PCDHGB4: variants seen among roughly 807,000 people sequenced by gnomAD.
The protein encoded by PCDHGB4 is protocadherin gamma subfamily B, 4, also known as protocadherin gamma-B4.
PCDHGB4 carries 38 observed loss-of-function variants against 60.5 expected under a neutral mutation model. That is an observed-to-expected ratio of 0.63 (90% confidence interval 0.48 to 0.82). The LOEUF (loss-of-function observed/expected upper bound fraction) is 0.82. Ranked by LOEUF, PCDHGB4 falls within the 40% of genes least tolerant of loss-of-function variation. The pLI, the probability that PCDHGB4 is intolerant of heterozygous loss-of-function variation, is 0.00. For missense variants in PCDHGB4, 1,109 were observed against 1,209.6 expected, an observed-to-expected ratio of 0.92 and a Z score of 1.23; for synonymous variants, 456 against 509.7, an observed-to-expected ratio of 0.89 and a Z score of 1.42.
At chr5:141,447,647 T>C (rs1338920727) in intron 1 of PCDHGB4, among the ~76,000 whole-genome samples, 1 of 152,092 alleles carries the variant, frequency 6.6e-6, no homozygotes, top group African/African-American at 2.4e-5. Flanking sequence ...GATGGTAGAA[T>C]TTTCCCCCCC....
rs767197233 is a variant in PCDHGB4, at chr5:141,418,642, C to T, written c.2397+28361C>T. On this transcript the variant is annotated intron_variant, in intron 1 of 3. Coordinates refer to ENST00000519479, the MANE Select transcript of PCDHGB4 (RefSeq NM_003736.4). ...AAGACGTGCCTCCAGGCACCTCCAT[C>T]CTGAGAGTGAAGGCCACTGACCAGG... The T allele has an allele frequency of 2.3e-5, 37 of 1,614,028 alleles. No individual in the cohort carries two copies. In the South Asian group the frequency reaches 3.6e-4, roughly 16 times the overall value.
At chr5:141,470,961 C>T (rs1447105252) in intron 1 of PCDHGB4, among the ~76,000 whole-genome samples, 1 of 152,036 alleles carries the variant, frequency 6.6e-6, no homozygotes, top group Non-Finnish European at 1.5e-5. Context: ...AAGTGATCCT[C>T]CCACCTCAGC....
chr5:141,393,500 C>T lies in PCDHGB4; in HGVS notation c.2397+3219C>T, dbSNP rs747121608. 6.2e-6 allele frequency: 10 copies of T among 1,613,922 alleles called. No homozygotes were observed. In the African/African-American group the frequency reaches 6.7e-5, roughly 11 times the overall value. On this transcript the variant is annotated intron_variant, in intron 1 of 3. Coordinates refer to ENST00000519479, the MANE Select transcript of PCDHGB4 (RefSeq NM_003736.4). The stretch of plus-strand genomic sequence containing the variant: ...CTCGCTCTAGCACAGTGCGCATCCA[C>T]GTGACAGTGTTGGATACAAATGACA...
intron 1 of PCDHGB4, chr5:141,398,897 C>T (rs761364649): frequency 1.2e-6 from 2 of 1,613,932 alleles, no homozygotes; most frequent in Non-Finnish European, 1.7e-6. Context: ...AACGTGCCAC[C>T]AGGCACCACT....
At chr5:141,449,667 G>A (rs540415333) in intron 1 of PCDHGB4, among the ~76,000 whole-genome samples, 1 of 150,824 alleles carries the variant, frequency 6.6e-6, no homozygotes, top group South Asian at 2.1e-4. Context: ...ACACCCAAGT[G>A]TGTATGTATA....
intron 1 of PCDHGB4, among the ~76,000 whole-genome samples, chr5:141,406,621 A>G (rs2094831746): frequency 6.6e-6 from 1 of 152,172 alleles, no homozygotes; most frequent in African/African-American, 2.4e-5. Flanking sequence ...TTTTATTCTC[A>G]TATCTTCAAA....
At position 141,388,496 on chromosome 5, in the gene PCDHGB4, G is replaced by A. The variant is rs1296141749; in HGVS notation, c.612G>A (p.Lys204=). The change falls in exon 1 of 4, where the codon AAG becomes AAA. Residue 204 remains lysine, a synonymous_variant. Transcript: ENST00000519479. Reference sequence around the variant, plus strand: ...TGAAGACACCTTTGGACAGAGAAAAGCAGAAATCCTACCACTTGACTTTGA... The same window carrying A: ...TGAAGACACCTTTGGACAGAGAAAAACAGAAATCCTACCACTTGACTTTGA... ...MVLKTPLDRE[K]QKSYHLTLTA... 9 of 1,613,710 alleles carry A rather than the reference G, an allele frequency of 5.6e-6. No homozygotes were observed. Among genetic ancestry groups the A allele is most frequent in the South Asian group, 4.4e-5 (4 of 91,086 alleles).
chr5:141,493,141 C>T lies in PCDHGB4; in HGVS notation c.2398-1666C>T, dbSNP rs1327581425. On this transcript the variant is annotated intron_variant, in intron 1 of 3. Coordinates refer to ENST00000519479, the MANE Select transcript of PCDHGB4 (RefSeq NM_003736.4). This position sits in a 1 kb window ranked among gnomAD's most constrained non-coding sequence, Gnocchi z 4.3. ...CTCCTAGGACTGTATTTTGAAACAC[C>T]CCCAGGTGATTTTGATAGCTGATTG... Among the ~76,000 whole-genome samples the T allele has an allele frequency of 1.4e-5, 2 of 146,284 alleles. No homozygotes were observed. Among genetic ancestry groups the T allele is most frequent in the East Asian group, 2.0e-4 (1 of 5,022 alleles).
At chr5:141,479,862 C>T (rs2099508997) in intron 1 of PCDHGB4, among the ~76,000 whole-genome samples, 1 of 152,170 alleles carries the variant, frequency 6.6e-6, no homozygotes, top group Non-Finnish European at 1.5e-5. Flanking sequence ...GGCCTTTGCC[C>T]TGGAGAGAAC....
chr5:141,394,022 A>G (rs1210359800), intron 1 of PCDHGB4: 1 of 1,613,552 alleles, frequency 6.2e-7, no homozygotes, highest in South Asian at 1.1e-5. Flanking sequence ...ATTATTATAG[A>G]TTAGTGACAA....
Position 141,477,704 on chromosome 5 carries a change from C to T in PCDHGB4, c.2398-17103C>T, listed in dbSNP as rs772195653. 30 of 1,613,968 alleles carry T rather than the reference C, an allele frequency of 1.9e-5. No homozygotes were observed. Among genetic ancestry groups the T allele is most frequent in the Admixed American group, 6.7e-5 (4 of 60,026 alleles). On this transcript the variant is annotated intron_variant, in intron 1 of 3. Transcript: ENST00000519479. This position sits in a 1 kb window ranked among gnomAD's most constrained non-coding sequence, Gnocchi z 4.9. Reference sequence around the variant, plus strand: ...CTTAGTGCCCCTAGACTATGAGGATCGGCGGGAATTTGAATTAACAGCTCA... The same window carrying T: ...CTTAGTGCCCCTAGACTATGAGGATTGGCGGGAATTTGAATTAACAGCTCA...
intron 1 of PCDHGB4, chr5:141,419,533 C>A: frequency 6.2e-7 from 1 of 1,612,106 alleles, no homozygotes; most frequent in Non-Finnish European, 8.5e-7. Flanking sequence ...GTAACGACAA[C>A]GCACCGCGGG....
chr5:141,493,679 G>C lies in PCDHGB4; in HGVS notation c.2398-1128G>C. On this transcript the variant is annotated intron_variant, in intron 1 of 3. Transcript: ENST00000519479. This position sits in a 1 kb window ranked among gnomAD's most constrained non-coding sequence, Gnocchi z 4.3. ...CCTTCTCCATGGCAGCCCCAGAATG[G>C]TGCTGGTGACTCCCGATACACCTGG... Among the ~76,000 whole-genome samples the C allele has an allele frequency of 6.6e-6, 1 of 152,198 alleles. No individual in the cohort carries two copies. Among genetic ancestry groups the C allele is most frequent in the African/African-American group, 2.4e-5 (1 of 41,446 alleles).
chr5:141,399,361 C>A (rs375619778), intron 1 of PCDHGB4: 1 of 1,613,960 alleles, frequency 6.2e-7, no homozygotes. Context: ...AGAGCAAACC[C>A]CGGAGTACAA....
At chr5:141,403,208 A>T (rs763459005) in intron 1 of PCDHGB4, 2 of 1,613,962 alleles carry the variant, frequency 1.2e-6, no homozygotes, top group Non-Finnish European at 1.7e-6. Flanking sequence ...CACCTTGGTC[A>T]CCGCGGGTAG....
chr5:141,408,488 T>C lies in PCDHGB4; in HGVS notation c.2397+18207T>C, dbSNP rs199936765. ...GAACCGAATAGACCGTGAGCAAATA[T>C]GCAAAGAGAGAAGAAGATGTGAGTT... On this transcript the variant is annotated intron_variant, in intron 1 of 3. Transcript: ENST00000519479. The C allele has an allele frequency of 8.1e-6, 13 of 1,613,894 alleles. No individual in the cohort carries two copies. The highest frequency in any genetic ancestry group is 4.0e-5 in the African/African-American group (3 of 74,922).
chr5:141,445,576 G>A (rs1459010134), intron 1 of PCDHGB4, among the ~76,000 whole-genome samples: 1 of 152,158 alleles, frequency 6.6e-6, no homozygotes, highest in Non-Finnish European at 1.5e-5. Flanking sequence ...TTATAGTAGG[G>A]AAGCTTCGCC....
chr5:141,430,926 C>A (rs145535410), intron 1 of PCDHGB4: 4 of 1,607,308 alleles, frequency 2.5e-6, no homozygotes, highest in African/African-American at 1.3e-5. Context: ...GGGCTGGAGC[C>A]CCGGGAGCTC....
At chr5:141,414,899 G>C (rs756810046) in intron 1 of PCDHGB4, 4 of 1,614,182 alleles carry the variant, frequency 2.5e-6, no homozygotes, top group Non-Finnish European at 3.4e-6. Context: ...CCCACAGACG[G>C]TTCCACAGGC....
Sources: allele counts gnomAD v4.1 joint callset (sites outside exome capture counted in the v4.1 genomes callset), GRCh38; gene constraint gnomAD v4.1.1; non-coding constraint Gnocchi (gnomAD v3.1); transcripts MANE v1.5; gene names NCBI Gene and HGNC (gene_info 2026-07-23, HGNC 2026-07-21).